Variants in SPECC1 observed in about 807,000 individuals in gnomAD.
SPECC1 encodes the protein sperm antigen with calponin homology and coiled-coil domains 1.
A neutral mutation model predicts 104.1 loss-of-function variants in SPECC1; 62 were observed. The observed-to-expected ratio is 0.60, with a 90% CI of 0.49 to 0.74. The LOEUF is 0.74. SPECC1 is among the 30% of genes least tolerant of loss of function. The probability of loss-of-function intolerance (pLI) is 0.00; values close to 1 mark genes in which losing one functional copy is unlikely to be tolerated. For synonymous variants in SPECC1, 513 were observed against 501.6 expected, an observed-to-expected ratio of 1.02 and a Z score of -0.30; for missense variants, 1,306 against 1,310.5, an observed-to-expected ratio of 1.00 and a Z score of 0.05.
At chr17:20,094,011 G>A (rs1376712511) in intron 1 of SPECC1, among the ~76,000 whole-genome samples, 4 of 152,026 alleles carry the variant, frequency 2.6e-5, no homozygotes, top group Non-Finnish European at 5.9e-5. Flanking sequence ...GATTACAGGT[G>A]TGAGCCACTC....
chr17:20,081,388 GGGCCTGGTTTTT>G (rs1192741894), intron 1 of SPECC1, among the ~76,000 whole-genome samples: 1 of 152,090 alleles, frequency 6.6e-6, no homozygotes, highest in East Asian at 1.9e-4. Flanking sequence ...GACTCGTTTT[GGGCCTGGTTTTT>G]TTTCCCAGTG....
At chr17:20,087,673 A>G (rs7223305) in intron 1 of SPECC1, among the ~76,000 whole-genome samples, 81,093 of 151,460 alleles carry the variant, frequency 0.54, 22,189 homozygotes, top group Middle Eastern at 0.61. Flanking sequence ...TATTTGTTGA[A>G]CACTTATTAT....
chr17:20,236,834 T>C (rs1255568759), intron 7 of SPECC1: 1 of 1,613,756 alleles, frequency 6.2e-7, no homozygotes, highest in Admixed American at 1.7e-5. Flanking sequence ...CTTTACAGCC[T>C]CTCCCTCCCG....
In SPECC1 at chr17:20,314,144, C is replaced by T. The variant is rs2042002270; in HGVS notation, c.*79C>T. On this transcript the variant is annotated 3_prime_UTR_variant, in exon 15 of 15. Transcript: ENST00000395527. ...AGCGCCTGATTACTGTCCACTGACC[C>T]TGCTCTGCCCACCACCCAGCTGCCT... 8 of 1,228,262 alleles carry T rather than the reference C, an allele frequency of 6.5e-6. No homozygotes were observed. In the Admixed American group the frequency reaches 1.6e-4, roughly 24 times the overall value. 76.1% of individuals were successfully genotyped at this position (1,228,262 alleles called of 1,614,324 possible).
intron 1 of SPECC1, among the ~76,000 whole-genome samples, chr17:20,064,974 A>T (rs949692575): frequency 6.6e-6 from 1 of 152,244 alleles, no homozygotes; most frequent in East Asian, 1.9e-4. Flanking sequence ...CTTAGTAGAA[A>T]TGAGCAGTTA....
intron 2 of SPECC1, among the ~76,000 whole-genome samples, chr17:20,100,254 C>G (rs776737450): frequency 6.6e-6 from 1 of 152,114 alleles, no homozygotes; most frequent in African/African-American, 2.4e-5. Flanking sequence ...AGAAATGTAG[C>G]CCGCCTGACC....
chr17:20,179,512 G>A (rs972843071), intron 3 of SPECC1, among the ~76,000 whole-genome samples: 9 of 152,332 alleles, frequency 5.9e-5, no homozygotes, highest in Admixed American at 1.3e-4. Context: ...TTTAATGGGA[G>A]GTAGACCCTA....
At chr17:20,242,539 G>C (rs2039249523) in intron 7 of SPECC1, among the ~76,000 whole-genome samples, 1 of 152,202 alleles carries the variant, frequency 6.6e-6, no homozygotes, top group Admixed American at 6.5e-5. Context: ...TCTAGTATGG[G>C]TTGCCGCCTT....
intron 1 of SPECC1, among the ~76,000 whole-genome samples, chr17:20,051,068 T>TTCTCTTTCTTTC (rs1555597662): frequency 1.1e-4 from 10 of 90,772 alleles, no homozygotes; most frequent in Non-Finnish European, 1.8e-4. Flanking sequence ...CTTTCTTTCT[T>TTCTCTTTCTTTC]TTTCTTTCTT....
intron 5 of SPECC1, among the ~76,000 whole-genome samples, chr17:20,231,441 G>A (rs2038572012): frequency 6.6e-6 from 1 of 152,208 alleles, no homozygotes; most frequent in Non-Finnish European, 1.5e-5. Flanking sequence ...GACTCGGTAT[G>A]CAAGTGTGCA....
chr17:20,318,933 T>C lies in SPECC1; in HGVS notation c.*4868T>C, dbSNP rs1407603971. Reference sequence around the variant, plus strand: ...CTAGATTGTACCCAGCACTTTTGGATATGACATGCTAATTAGATGTATTTA... The same window carrying C: ...CTAGATTGTACCCAGCACTTTTGGACATGACATGCTAATTAGATGTATTTA... On this transcript the variant is annotated 3_prime_UTR_variant, in exon 15 of 15. Coordinates refer to ENST00000395527, the MANE Select transcript of SPECC1 (RefSeq NM_001243439.2). 1.1e-5 allele frequency: 2 copies of C among 188,528 alleles called. No individual in the cohort carries two copies. The highest frequency in any genetic ancestry group is 2.0e-4 in the South Asian group (1 of 5,110). 11.7% of individuals were successfully genotyped at this position (188,528 alleles called of 1,614,324 possible). A position where few individuals can be genotyped will look rare whatever the true frequency, so the allele number is the denominator to read the frequency against.
At position 20,205,850 on chromosome 17, in the gene SPECC1, C is replaced by T. The variant is rs1240105980; in HGVS notation, c.1801C>T (p.Leu601Phe). ...TCTACTGGAACTGTCTTGCAATGAGCTCAGACAAGAATTACTAAAGGCAAA... is the reference window on the plus strand; with the variant it reads ...TCTACTGGAACTGTCTTGCAATGAGTTCAGACAAGAATTACTAAAGGCAAA... ...KDLLELSCNE[L>F]RQELLKANGE... The change falls in exon 4 of 15, where the codon CTC becomes TTC. Residue 601 changes from leucine (L) to phenylalanine (F), a missense_variant. By Grantham distance (22) the Leu-to-Phe change is conservative. This residue lies in a region of SPECC1 where 1,177 missense variants were observed against 1,139.9 expected (regional missense o/e 1.03). Transcript: ENST00000395527. The T allele has an allele frequency of 1.2e-6, 2 of 1,614,050 alleles. No homozygotes were observed. The highest frequency in any genetic ancestry group is 1.1e-5 in the South Asian group (1 of 91,068).
chr17:20,296,751 G>A (rs1339015614), intron 12 of SPECC1, among the ~76,000 whole-genome samples: 3 of 152,102 alleles, frequency 2.0e-5, no homozygotes, highest in South Asian at 2.1e-4. Flanking sequence ...CTTGTAAGTT[G>A]GATTCCTAGG....
chr17:20,184,546 G>A (rs1343270063), intron 3 of SPECC1, among the ~76,000 whole-genome samples: 1 of 152,180 alleles, frequency 6.6e-6, no homozygotes, highest in African/African-American at 2.4e-5. Flanking sequence ...TTTGGAGCCC[G>A]CATTTCCTGA....
rs1180131376 is a variant in SPECC1, at chr17:20,096,710, A to G, written c.59A>G (p.Asp20Gly). 1 of 1,614,196 alleles carries G rather than the reference A, an allele frequency of 6.2e-7. No individual in the cohort carries two copies. The highest frequency in any genetic ancestry group is 1.3e-5 in the African/African-American group (1 of 75,058). The change falls in exon 2 of 15, where the codon GAC becomes GGC. Residue 20 changes from aspartate (D) to glycine (G), a missense_variant. By Grantham distance (94) the Asp-to-Gly change is moderately conservative. Coordinates refer to ENST00000395527, the MANE Select transcript of SPECC1 (RefSeq NM_001243439.2). ...PAIRAGGHGP[D>G]RVRPLPAASS... ...ATCAGAGCAGGGGGCCACGGCCCAG[A>G]CCGGGTGCGGCCTCTGCCTGCAGCC... is the stretch of plus-strand genomic sequence containing the variant.
chr17:20,298,421 C>G, intron 13 of SPECC1, among the ~76,000 whole-genome samples: 1 of 151,566 alleles, frequency 6.6e-6, no homozygotes, highest in East Asian at 1.9e-4. Context: ...CTGGGGAACA[C>G]CTTGGTGTTG....
intron 12 of SPECC1, among the ~76,000 whole-genome samples, chr17:20,286,133 A>G (rs1339301388): frequency 1.3e-5 from 2 of 152,262 alleles, no homozygotes; most frequent in Non-Finnish European, 2.9e-5. Flanking sequence ...TATAACATAC[A>G]CATGTGCATG....
intron 5 of SPECC1, among the ~76,000 whole-genome samples, chr17:20,231,214 C>T (rs2038552938): frequency 6.6e-6 from 1 of 152,152 alleles, no homozygotes; most frequent in Non-Finnish European, 1.5e-5. Flanking sequence ...GGAGATTCTG[C>T]CTCCAGGTGT....
intron 12 of SPECC1, among the ~76,000 whole-genome samples, chr17:20,274,760 A>G (rs1467916837): frequency 1.3e-5 from 2 of 151,436 alleles, no homozygotes; most frequent in Non-Finnish European, 2.9e-5. Context: ...GATTACACAC[A>G]TGAGCCACTG....
Sources: allele counts gnomAD v4.1 joint callset (sites outside exome capture counted in the v4.1 genomes callset), GRCh38; gene constraint gnomAD v4.1.1; regional missense constraint gnomAD v4.1.1; transcripts MANE v1.5; gene names NCBI Gene and HGNC (gene_info 2026-07-23, HGNC 2026-07-21).